Variants in SNTG2 observed in about 807,000 individuals in gnomAD.
SNTG2 encodes the protein gamma-2-syntrophin.
Under a neutral mutation model 70.9 loss-of-function variants are expected in SNTG2, and 74 were observed. The ratio of observed to expected loss-of-function variants is 1.04; its 90% CI spans 0.86 to 1.27. The LOEUF is 1.27. Ranked by LOEUF, SNTG2 falls within the 50% of genes most tolerant of loss-of-function variation. SNTG2 has a pLI of 0.00. For missense variants in SNTG2, 717 were observed against 690.7 expected, an observed-to-expected ratio of 1.04 and a Z score of -0.43; for synonymous variants, 278 against 273.8, an observed-to-expected ratio of 1.02 and a Z score of -0.15.
intron 1 of SNTG2, among the ~76,000 whole-genome samples, chr2:1,033,601 C>T (rs1660964959): frequency 6.6e-6 from 1 of 152,218 alleles, no homozygotes; most frequent in Non-Finnish European, 1.5e-5. Context: ...CCTCTGATCA[C>T]TGCTAGCCTT....
intron 1 of SNTG2, among the ~76,000 whole-genome samples, chr2:975,668 TA>T (rs1309274314): frequency 4.3e-4 from 65 of 152,224 alleles, no homozygotes; most frequent in Middle Eastern, 3.2e-3. Context: ...TACTGTGTTT[TA>T]AACAAAAAAA....
chr2:1,298,777 T>A (rs60464983), intron 14 of SNTG2, among the ~76,000 whole-genome samples: 2,001 of 152,274 alleles, frequency 0.013, 44 homozygotes, highest in African/African-American at 0.046. Context: ...GGAGATTCAC[T>A]TTTGAGTCAG....
chr2:1,362,441 A>G (rs1661233890), intron 16 of SNTG2, among the ~76,000 whole-genome samples: 1 of 152,118 alleles, frequency 6.6e-6, no homozygotes, highest in Non-Finnish European at 1.5e-5. Flanking sequence ...GCATTTCAGT[A>G]GAACTTCCAT....
At chr2:1,135,438 G>A (rs759492730) in intron 4 of SNTG2, among the ~76,000 whole-genome samples, 5 of 152,150 alleles carry the variant, frequency 3.3e-5, no homozygotes, top group African/African-American at 7.2e-5. Flanking sequence ...ACATTACCTC[G>A]GCCAGGCGTG....
At chr2:1,060,283 C>T (rs1397041711) in intron 1 of SNTG2, among the ~76,000 whole-genome samples, 5 of 152,124 alleles carry the variant, frequency 3.3e-5, no homozygotes, top group East Asian at 3.9e-4. Flanking sequence ...AATGAAATAA[C>T]GATACCAGTG....
intron 8 of SNTG2, among the ~76,000 whole-genome samples, chr2:1,178,715 T>C (rs1228642033): frequency 2.0e-5 from 3 of 151,792 alleles, no homozygotes; most frequent in Non-Finnish European, 4.4e-5. Context: ...CAGTATTTTA[T>C]TGAGGATTTT....
At chr2:1,094,180 C>A (rs1018600027) in intron 2 of SNTG2, among the ~76,000 whole-genome samples, 47 of 127,014 alleles carry the variant, frequency 3.7e-4, no homozygotes, top group Admixed American at 1.7e-3. Flanking sequence ...GGGCCAGCTT[C>A]CTGGCCTGCA....
At chr2:1,365,199 A>G (rs1004675945) in intron 16 of SNTG2, among the ~76,000 whole-genome samples, 3 of 152,146 alleles carry the variant, frequency 2.0e-5, no homozygotes, top group Non-Finnish European at 2.9e-5. Flanking sequence ...GTTTAACACA[A>G]GGGCTGGGCA....
intron 1 of SNTG2, among the ~76,000 whole-genome samples, chr2:1,019,902 G>A (rs1346195928): frequency 6.6e-6 from 1 of 152,142 alleles, no homozygotes; most frequent in African/African-American, 2.4e-5. Flanking sequence ...AATTAGCCGG[G>A]TGTGGTGGCG....
At chr2:1,314,609 C>T (rs541825919) in intron 15 of SNTG2, among the ~76,000 whole-genome samples, 18 of 152,350 alleles carry the variant, frequency 1.2e-4, no homozygotes, top group Non-Finnish European at 2.2e-4. Flanking sequence ...ACTCACATCA[C>T]GCTCTCTTCT....
intron 1 of SNTG2, among the ~76,000 whole-genome samples, chr2:1,035,859 G>C (rs1241314912): frequency 6.6e-6 from 1 of 152,170 alleles, no homozygotes; most frequent in Non-Finnish European, 1.5e-5. Flanking sequence ...TGGAACATGA[G>C]TATTTGTCTA....
rs1553327295 is a variant in SNTG2 at position 1,103,390 on chromosome 2, T to TC, written c.325+4980_325+4981insC. 3.9e-3 allele frequency: 1,056 copies of TC among 271,178 alleles called. 1 individual carries two copies. Among genetic ancestry groups the TC allele is most frequent in the South Asian group, 8.2e-3 (222 of 27,022 alleles). The allele number at this position is 271,178 out of a possible 1,614,324, so 16.8% of individuals were successfully genotyped here. A position where few individuals can be genotyped will look rare whatever the true frequency, so the allele number is the denominator to read the frequency against. On this transcript the variant is annotated intron_variant, in intron 4 of 16. Transcript: ENST00000308624. Reference sequence around the variant, plus strand: ...ATGATTATAAATTTCTTTTTTTTTTTATTTTTTTTTTTAGATGGAGTCTTG... The same window carrying TC: ...ATGATTATAAATTTCTTTTTTTTTTTCATTTTTTTTTTTAGATGGAGTCTTG...
At chr2:1,011,020 G>A (rs1308841544) in intron 1 of SNTG2, among the ~76,000 whole-genome samples, 1 of 152,256 alleles carries the variant, frequency 6.6e-6, no homozygotes, top group Non-Finnish European at 1.5e-5. Context: ...ATGCAATGGT[G>A]TGTTCATGGA....
intron 1 of SNTG2, among the ~76,000 whole-genome samples, chr2:1,046,459 T>A (rs1476006842): frequency 6.6e-6 from 1 of 152,206 alleles, no homozygotes; most frequent in East Asian, 1.9e-4. Context: ...TTCAATGGTC[T>A]ATGTATTTCA....
chr2:1,213,796 C>T (rs1346595264), intron 9 of SNTG2, among the ~76,000 whole-genome samples: 1 of 152,220 alleles, frequency 6.6e-6, no homozygotes. Context: ...CTTCTGTCAC[C>T]TGTGCTTTTG....
intron 8 of SNTG2, among the ~76,000 whole-genome samples, chr2:1,207,461 G>A (rs1357472618): frequency 8.5e-5 from 13 of 152,118 alleles, no homozygotes; most frequent in Admixed American, 7.9e-4. Flanking sequence ...TGGCGATGCC[G>A]CCTCTTCTGT....
At chr2:1,236,852 T>A (rs1448250066) in intron 9 of SNTG2, among the ~76,000 whole-genome samples, 2 of 152,194 alleles carry the variant, frequency 1.3e-5, no homozygotes, top group African/African-American at 4.8e-5. Context: ...TTTAAAAAAA[T>A]ATGTTTGCTT....
intron 7 of SNTG2, among the ~76,000 whole-genome samples, chr2:1,170,760 G>A (rs1217524462): frequency 1.3e-5 from 2 of 152,112 alleles, no homozygotes; most frequent in Non-Finnish European, 2.9e-5. Context: ...CAGCTGATGG[G>A]CATTTGTCTT....
At chr2:1,111,401 A>G (rs1666430916) in intron 4 of SNTG2, among the ~76,000 whole-genome samples, 1 of 152,154 alleles carries the variant, frequency 6.6e-6, no homozygotes, top group South Asian at 2.1e-4. Flanking sequence ...GGCCCCTCTT[A>G]CCTTTGCAGG....
Sources: gnomAD v4.1 joint callset for allele counts (sites outside exome capture counted in the v4.1 genomes callset) on GRCh38, gnomAD v4.1.1 for gene constraint, MANE v1.5 for transcripts, NCBI Gene and HGNC (gene_info 2026-07-23, HGNC 2026-07-21) for gene names.